The following KAT2B variants were observed in gnomAD, a reference collection of about 807,000 sequenced individuals.
KAT2B encodes histone acetyltransferase KAT2B.
In KAT2B, 36 loss-of-function variants were observed where a neutral mutation model predicts 105.9. The ratio of observed to expected loss-of-function variants is 0.34; its 90% CI spans 0.26 to 0.45. The LOEUF (loss-of-function observed/expected upper bound fraction) is 0.45. KAT2B is among the 20% of genes least tolerant of loss of function. The pLI is 1.00. For synonymous variants in KAT2B, 397 were observed against 377.9 expected, an observed-to-expected ratio of 1.05 and a Z score of -0.59; for missense variants, 820 against 1,021.6, an observed-to-expected ratio of 0.80 and a Z score of 2.69.
At chr3:20,149,277 A>G (rs974542760) in intron 17 of KAT2B, among the ~76,000 whole-genome samples, 4 of 152,018 alleles carry the variant, frequency 2.6e-5, no homozygotes, top group African/African-American at 9.7e-5. Flanking sequence ...AATCTATTCC[A>G]GGTGCTAAGA....
intron 7 of KAT2B, among the ~76,000 whole-genome samples, chr3:20,117,964 A>T (rs1159585090): frequency 6.6e-6 from 1 of 152,106 alleles, no homozygotes; most frequent in Admixed American, 6.6e-5. Context: ...TATTTTCAGT[A>T]GAGTTACAAG....
rs111756722 is a variant in KAT2B, at chr3:20,051,271, G to C, written c.303+10491G>C. 2.2e-3 allele frequency among the ~76,000 whole-genome samples: 339 copies of C among 151,758 alleles called. 3 individuals carry two copies. The South Asian group carries it at 0.023, about 10-fold the overall frequency. ...ACTTGGCCAAGTAGATGTAGATAAG[G>C]AATATGAAAGGAAGAGAGGTAGAAT... On this transcript the variant is annotated intron_variant, in intron 1 of 17. Coordinates refer to ENST00000263754, the MANE Select transcript of KAT2B (RefSeq NM_003884.5).
chr3:20,139,464 C>T (rs894922182), intron 12 of KAT2B, among the ~76,000 whole-genome samples: 3 of 152,050 alleles, frequency 2.0e-5, no homozygotes, highest in African/African-American at 7.2e-5. Context: ...GTCTGTAGTC[C>T]TCTTTGAGGA....
At chr3:20,127,915 A>T (rs1699434215) in intron 11 of KAT2B, among the ~76,000 whole-genome samples, 1 of 152,162 alleles carries the variant, frequency 6.6e-6, no homozygotes, top group Non-Finnish European at 1.5e-5. Context: ...CACTGATCTG[A>T]CAGGAGGCAG....
intron 2 of KAT2B, among the ~76,000 whole-genome samples, chr3:20,079,706 C>T (rs576367632): frequency 6.6e-6 from 1 of 152,158 alleles, no homozygotes; most frequent in South Asian, 2.1e-4. Context: ...ATATAATTGC[C>T]CCCTCAGTTC....
chr3:20,092,396 T>G (rs960545749), intron 2 of KAT2B, among the ~76,000 whole-genome samples: 1 of 151,584 alleles, frequency 6.6e-6, no homozygotes, highest in African/African-American at 2.4e-5. Context: ...ATCCAGCTTA[T>G]TTTTTGCATT....
chr3:20,040,848 CTCCCGCT>C, intron 1 of KAT2B, 68 bp downstream of exon 1: 1 of 1,466,034 alleles, frequency 6.8e-7, no homozygotes, highest in Non-Finnish European at 9.0e-7. Flanking sequence ...CCCCCTCCCC[CTCCCGCT>C]TCCACCTCCG....
At chr3:20,134,915 A>T (rs1233169513) in intron 11 of KAT2B, among the ~76,000 whole-genome samples, 3 of 152,186 alleles carry the variant, frequency 2.0e-5, no homozygotes, top group Admixed American at 6.5e-5. Context: ...TCATATCAAC[A>T]TGTAATAAGT....
At chr3:20,073,931 C>A (rs1387020392) in intron 2 of KAT2B, among the ~76,000 whole-genome samples, 1 of 152,166 alleles carries the variant, frequency 6.6e-6, no homozygotes, top group African/African-American at 2.4e-5. Context: ...CTTTCTTAGC[C>A]GAGCAGATTG....
At chr3:20,050,911 A>G (rs1169577892) in intron 1 of KAT2B, among the ~76,000 whole-genome samples, 1 of 152,066 alleles carries the variant, frequency 6.6e-6, no homozygotes, top group Non-Finnish European at 1.5e-5. Flanking sequence ...ATAAGAAATC[A>G]AGGAGGTGGC....
At chr3:20,086,740 A>G (rs1698623104) in intron 2 of KAT2B, among the ~76,000 whole-genome samples, 1 of 152,100 alleles carries the variant, frequency 6.6e-6, no homozygotes, top group Non-Finnish European at 1.5e-5. Flanking sequence ...CTCTAATTTT[A>G]AGCCCTTTAA....
intron 5 of KAT2B, among the ~76,000 whole-genome samples, chr3:20,104,117 T>A (rs1274041859): frequency 6.6e-6 from 1 of 152,186 alleles, no homozygotes; most frequent in Non-Finnish European, 1.5e-5. Context: ...TATTTGAATA[T>A]CGCTTTAGAA....
At chr3:20,119,799 A>G (rs764828592) in intron 8 of KAT2B, 76 bp downstream of exon 8, 9 of 1,501,398 alleles carry the variant, frequency 6.0e-6, no homozygotes, top group Non-Finnish European at 7.3e-6. Flanking sequence ...TGCAAAAGGT[A>G]GACTTGAACC....
chr3:20,152,499 A>G lies in KAT2B; in HGVS notation c.2473A>G (p.Lys825Glu). ...ILEKFFFSKI[K>E]EAGLIDK Reference sequence around the variant, plus strand: ...GGAGAAATTCTTCTTCAGTAAAATTAAGGAAGCTGGATTAATTGACAAGTG... The same window carrying G: ...GGAGAAATTCTTCTTCAGTAAAATTGAGGAAGCTGGATTAATTGACAAGTG... Residue 825 changes from lysine to glutamate, a missense_variant, in exon 18 of 18, where the codon AAG becomes GAG. Coordinates refer to ENST00000263754, the MANE Select transcript of KAT2B (RefSeq NM_003884.5). The G allele has an allele frequency of 1.2e-6, 2 of 1,613,190 alleles. No individual in the cohort carries two copies. Among genetic ancestry groups the G allele is most frequent in the Non-Finnish European group, 1.7e-6 (2 of 1,179,438 alleles).
chr3:20,056,068 A>G (rs1181018589), intron 1 of KAT2B, among the ~76,000 whole-genome samples: 2 of 152,128 alleles, frequency 1.3e-5, no homozygotes, highest in Non-Finnish European at 2.9e-5. Context: ...AGTGAATTCA[A>G]ATTAGATTTC....
At chr3:20,143,667 T>C (rs1321946766) in intron 13 of KAT2B, among the ~76,000 whole-genome samples, 1 of 151,946 alleles carries the variant, frequency 6.6e-6, no homozygotes, top group East Asian at 1.9e-4. Context: ...ATAAAGAAAA[T>C]GTAGTACATA....
At chr3:20,075,409 C>T (rs1235806455) in intron 2 of KAT2B, among the ~76,000 whole-genome samples, 7 of 151,778 alleles carry the variant, frequency 4.6e-5, no homozygotes, top group Non-Finnish European at 1.0e-4. Context: ...AGCTGGAGGT[C>T]CCATAATTCA....
chr3:20,147,869 T>C, intron 14 of KAT2B, 94 bp from the exon 15 acceptor site: 1 of 1,145,994 alleles, frequency 8.7e-7, no homozygotes, highest in South Asian at 1.4e-5. Flanking sequence ...TTTATTGTCA[T>C]GCCTATAATT....
chr3:20,045,583 T>C (rs1295415598), intron 1 of KAT2B, among the ~76,000 whole-genome samples: 3 of 152,034 alleles, frequency 2.0e-5, no homozygotes, highest in Non-Finnish European at 4.4e-5. Flanking sequence ...ATCCAAATCT[T>C]CTTGAATTAA....
Sources: allele counts gnomAD v4.1 joint callset (sites outside exome capture counted in the v4.1 genomes callset), GRCh38; gene constraint gnomAD v4.1.1; transcripts MANE v1.5; gene names NCBI Gene and HGNC (gene_info 2026-07-23, HGNC 2026-07-21).